Variants in KANK4 observed in about 807,000 individuals in gnomAD.
KANK4 encodes KN motif and ankyrin repeat domain-containing protein 4.
In KANK4, 50 loss-of-function variants were observed where a neutral mutation model predicts 80.8. The ratio of observed to expected loss-of-function variants is 0.62; its 90% CI spans 0.49 to 0.78. KANK4 has a LOEUF of 0.78. Ranked by LOEUF, KANK4 falls within the 30% of genes least tolerant of loss-of-function variation. KANK4 has a pLI of 0.00. For missense variants in KANK4, 1,196 were observed against 1,240.1 expected (o/e 0.96, Z 0.53); for synonymous variants, 465 against 506.9 (o/e 0.92, Z 1.11).
chr1:62,253,336 G>T, intron 7 of KANK4, 127 bp from the exon 8 acceptor site: 1 of 705,646 alleles, frequency 1.4e-6, no homozygotes, highest in Non-Finnish European at 2.2e-6. Flanking sequence ...GCTTTCCACA[G>T]CTGGAGCCAG....
intron 1 of KANK4, among the ~76,000 whole-genome samples, chr1:62,309,180 A>C (rs1370359391): frequency 6.6e-6 from 1 of 152,208 alleles, no homozygotes; most frequent in Admixed American, 6.5e-5. Flanking sequence ...TTCAGCTTGC[A>C]GACTGTTGGC....
At chr1:62,317,493 C>A (rs1644551383) in intron 1 of KANK4, among the ~76,000 whole-genome samples, 1 of 152,166 alleles carries the variant, frequency 6.6e-6, no homozygotes, top group African/African-American at 2.4e-5. Context: ...TATTACAGTT[C>A]AGAAAGGAAG....
In KANK4 at chr1:62,274,559, A is replaced by T. The variant is rs922339408; in HGVS notation, c.545T>A (p.Leu182Gln). The T allele has an allele frequency of 1.2e-6, 2 of 1,614,080 alleles. No homozygotes were observed. Among genetic ancestry groups the T allele is most frequent in the Non-Finnish European group, 1.7e-6 (2 of 1,179,948 alleles). ...GAGGGCAGGAGGGGCAGGGGGCCCC[A>T]GGCTCAGGCCTGGCTCCTCAGAAGC... ...SRASEEPGLS[L>Q]GPPAPPALPP... Residue 182 changes from leucine (L) to glutamine (Q), a missense_variant, in exon 3 of 10, where the codon CTG (leucine) becomes CAG (glutamine). Transcript: ENST00000371153.
At chr1:62,313,325 CT>C (rs1644512640) in intron 1 of KANK4, among the ~76,000 whole-genome samples, 1 of 152,172 alleles carries the variant, frequency 6.6e-6, no homozygotes, top group African/African-American at 2.4e-5. Context: ...GCTTCTCAGT[CT>C]CTTCCTGGAA....
At chr1:62,304,185 T>C (rs1458823963) in intron 1 of KANK4, among the ~76,000 whole-genome samples, 1 of 152,104 alleles carries the variant, frequency 6.6e-6, no homozygotes, top group Admixed American at 6.5e-5. Flanking sequence ...CTTCAGATTC[T>C]ATTTCTATTG....
chr1:62,269,367 T>C (rs1398123812), intron 4 of KANK4, among the ~76,000 whole-genome samples: 1 of 152,190 alleles, frequency 6.6e-6, no homozygotes, highest in Non-Finnish European at 1.5e-5. Flanking sequence ...ATGGCCTCCA[T>C]TGAACCCCCT....
chr1:62,251,303 C>T (rs565083831), intron 8 of KANK4, among the ~76,000 whole-genome samples: 2 of 152,246 alleles, frequency 1.3e-5, no homozygotes, highest in South Asian at 2.1e-4. Flanking sequence ...TCCTTTGTCT[C>T]GGGCACAGAA....
intron 7 of KANK4, 112 bp from the exon 8 acceptor site, chr1:62,253,321 G>T: frequency 1.1e-6 from 1 of 938,834 alleles, no homozygotes; most frequent in Non-Finnish European, 1.5e-6. Context: ...ATGGACTAGA[G>T]CAATGCTTTC....
chr1:62,309,558 A>G (rs972254442), intron 1 of KANK4, among the ~76,000 whole-genome samples: 24 of 152,350 alleles, frequency 1.6e-4, no homozygotes, highest in African/African-American at 5.8e-4. Flanking sequence ...CTGAAAGAAG[A>G]CTACATTACT....
At position 62,271,504 on chromosome 1, in the gene KANK4, G is replaced by A; in HGVS notation, c.1986C>T (p.Asn662=). ...FRAGGNGTKK[N]LQFVGVNGGY... is the part of the protein sequence containing the mutation. ...CACCGTTAACCCCAACAAACTGAAG[G>A]TTCTTTTTGGTCCCATTACCTCCTG... The change falls in exon 4 of 10, where the codon AAC becomes AAT. Residue 662 remains asparagine (N), a synonymous_variant. Transcript: ENST00000371153. 6.2e-7 allele frequency: 1 copy of A among 1,613,734 alleles called. No homozygotes were observed. Among genetic ancestry groups the A allele is most frequent in the Non-Finnish European group, 8.5e-7 (1 of 1,179,702 alleles).
chr1:62,268,344 CA>C lies in KANK4; in HGVS notation c.2173del (p.Cys725AlafsTer34). 6.2e-7 allele frequency: 1 copy of C among 1,614,042 alleles called. No homozygotes were observed. Among genetic ancestry groups the C allele is most frequent in the African/African-American group, 1.3e-5 (1 of 75,048 alleles). ...AGGCCCACTTTCCTGGGCAGCATGG[CA>C]GGTGCCCTCAGGGATGCCCTGCCCA... Reference protein sequence around the residue: ...EAGQGIPEGTCHAAQESGPGE... With the variant: ...EAGQGIPEGTXHAAQESGPGE... On this transcript the variant is annotated frameshift_variant, in exon 5 of 10. Coordinates refer to ENST00000371153, the MANE Select transcript of KANK4 (RefSeq NM_181712.5). LOFTEE classifies it high-confidence loss of function.
At position 62,266,754 on chromosome 1, in the gene KANK4, CCA is replaced by C. The variant is rs1318988806; in HGVS notation, c.2295_2296del (p.Gly766AspfsTer28). ...TACCAAGAGCTGGTCTGTGGTGGTC[CCA>C]GTTTCTGGCAGATGCTGGCTCAGTG... On this transcript the variant is annotated frameshift_variant, in exon 6 of 10. Coordinates refer to ENST00000371153, the MANE Select transcript of KANK4 (RefSeq NM_181712.5). LOFTEE classifies it high-confidence loss of function. 6.2e-7 allele frequency: 1 copy of C among 1,611,438 alleles called. No individual in the cohort carries two copies.
intron 1 of KANK4, among the ~76,000 whole-genome samples, chr1:62,294,346 C>T (rs1644340331): frequency 2.0e-5 from 3 of 152,186 alleles, no homozygotes; most frequent in African/African-American, 4.8e-5. Flanking sequence ...GTCACTTCAG[C>T]GAAAGCCTCT....
At chr1:62,310,514 G>T (rs1403280038) in intron 1 of KANK4, among the ~76,000 whole-genome samples, 1 of 152,186 alleles carries the variant, frequency 6.6e-6, no homozygotes, top group East Asian at 1.9e-4. Flanking sequence ...TCCCTGAAAG[G>T]GGGAATGAAA....
At chr1:62,277,417 C>A (rs540001554) in intron 2 of KANK4, among the ~76,000 whole-genome samples, 1 of 152,160 alleles carries the variant, frequency 6.6e-6, no homozygotes, top group Non-Finnish European at 1.5e-5. Flanking sequence ...CCCCTTTGGA[C>A]AAGCAAGCTT....
At chr1:62,260,306 G>A (rs1671854059) in intron 7 of KANK4, among the ~76,000 whole-genome samples, 1 of 151,608 alleles carries the variant, frequency 6.6e-6, no homozygotes, top group African/African-American at 2.4e-5. Flanking sequence ...CTGATTCTCT[G>A]TCAGTCTCTA....
At chr1:62,312,270 C>T (rs7545482) in intron 1 of KANK4, among the ~76,000 whole-genome samples, 6 of 152,098 alleles carry the variant, frequency 3.9e-5, no homozygotes, top group East Asian at 1.9e-4. Context: ...AGGTATCTGT[C>T]GCAGCTAAAA....
intron 7 of KANK4, among the ~76,000 whole-genome samples, chr1:62,257,483 A>C (rs1457110967): frequency 6.6e-6 from 1 of 152,216 alleles, no homozygotes; most frequent in African/African-American, 2.4e-5. Context: ...CTCTCGACAG[A>C]GCATCCTCTG....
chr1:62,278,855 C>T (rs1362473501), intron 2 of KANK4, among the ~76,000 whole-genome samples: 3 of 152,076 alleles, frequency 2.0e-5, no homozygotes, highest in Non-Finnish European at 4.4e-5. Context: ...CTGGTCTGCT[C>T]AACAGCCCCA....
Sources: gnomAD v4.1 joint callset for allele counts (sites outside exome capture counted in the v4.1 genomes callset) on GRCh38, gnomAD v4.1.1 for gene constraint, MANE v1.5 for transcripts, NCBI Gene and HGNC (gene_info 2026-07-23, HGNC 2026-07-21) for gene names.